The following PCDHGA7 variants were observed in gnomAD, a reference collection of about 807,000 sequenced individuals.
The protein encoded by PCDHGA7 is protocadherin gamma-A7.
PCDHGA7 carries 44 observed loss-of-function variants against 58.3 expected under a neutral mutation model. The ratio of observed to expected loss-of-function variants is 0.75; its 90% confidence interval spans 0.59 to 0.97. The LOEUF is 0.97. PCDHGA7 is among the 50% of genes least tolerant of loss of function. The pLI, the probability that PCDHGA7 is intolerant of heterozygous loss-of-function variation, is 0.00. For synonymous variants in PCDHGA7, 516 were observed against 504.2 expected (o/e 1.02, Z -0.31); for missense variants, 1,266 against 1,188.7 (o/e 1.06, Z -0.96).
intron 1 of PCDHGA7, chr5:141,478,106 G>T: frequency 6.2e-7 from 1 of 1,614,046 alleles, no homozygotes; most frequent in Non-Finnish European, 8.5e-7. Flanking sequence ...TACCCTCACT[G>T]TGTCAGTAAC....
intron 1 of PCDHGA7, among the ~76,000 whole-genome samples, chr5:141,450,375 A>G (rs1338336573): frequency 1.3e-5 from 2 of 152,166 alleles, no homozygotes; most frequent in Non-Finnish European, 2.9e-5. Context: ...GTTTGTTTAT[A>G]TGAAACTGAC....
intron 1 of PCDHGA7, chr5:141,409,616 G>T: frequency 6.2e-7 from 1 of 1,613,882 alleles, no homozygotes; most frequent in African/African-American, 1.3e-5. Context: ...AGCCTCCATT[G>T]CGCAAGTGAG....
At chr5:141,442,403 G>A (rs1042068651) in intron 1 of PCDHGA7, 2 of 152,168 alleles carry the variant, frequency 1.3e-5, no homozygotes, top group African/African-American at 4.8e-5. Context: ...TACGAATCCA[G>A]GGCTGAGTGA....
intron 1 of PCDHGA7, chr5:141,471,433 T>C (rs2099257619): frequency 6.6e-6 from 1 of 152,162 alleles, no homozygotes; most frequent in African/African-American, 2.4e-5. Flanking sequence ...GGAAAGTGTA[T>C]AATCTCATGT....
At chr5:141,418,393 C>A in intron 1 of PCDHGA7, 1 of 1,613,984 alleles carries the variant, frequency 6.2e-7, no homozygotes, top group Non-Finnish European at 8.5e-7. Context: ...ACGAGTATTT[C>A]TCATTGGTGG....
At position 141,512,350 on chromosome 5, in the gene PCDHGA7, G is replaced by C. The variant is rs1406428686; in HGVS notation, c.*1177G>C. ...CCATTCTTAGTCCCTGGGTTGGGGA[G>C]GCAGGGAGCTAGGGCAGGGACCAAA... is the stretch of plus-strand genomic sequence containing the variant. On this transcript the variant is annotated 3_prime_UTR_variant, in exon 4 of 4. Transcript: ENST00000518325. The C allele has an allele frequency of 6.5e-6, 1 of 152,906 alleles. No homozygotes were observed. The highest frequency in any genetic ancestry group is 1.9e-4 in the East Asian group (1 of 5,208). 9.5% of individuals were successfully genotyped at this position (152,906 alleles called of 1,614,324 possible).
intron 3 of PCDHGA7, among the ~76,000 whole-genome samples, chr5:141,509,089 G>C (rs1366018197): frequency 6.6e-6 from 1 of 152,158 alleles, no homozygotes; most frequent in Non-Finnish European, 1.5e-5. Context: ...ACATGAAATG[G>C]GGGCTGTAGA....
rs751318430 is a variant in PCDHGA7 at position 141,485,603 on chromosome 5, G to A, written c.2425-9204G>A. 1 of 1,612,482 alleles carries A rather than the reference G, an allele frequency of 6.2e-7. No homozygotes were observed. The stretch of plus-strand genomic sequence containing the variant: ...GCAGCAGCTGGACTTGGAAATTGGG[G>A]AGGCAGCTCCTCCAGGACAGCGTTT... On this transcript the variant is annotated intron_variant, in intron 1 of 3. Coordinates refer to ENST00000518325, the MANE Select transcript of PCDHGA7 (RefSeq NM_018920.4). This position sits in a 1 kb window ranked among gnomAD's most constrained non-coding sequence, Gnocchi z 5.7.
intron 1 of PCDHGA7, chr5:141,421,220 A>T (rs1178268746): frequency 6.3e-7 from 1 of 1,575,620 alleles, no homozygotes; most frequent in East Asian, 2.3e-5. Context: ...ATCGGCTTAG[A>T]GCCTGCCATG....
At chr5:141,433,273 A>T in intron 1 of PCDHGA7, 1 of 1,258,988 alleles carries the variant, frequency 7.9e-7, no homozygotes. Flanking sequence ...AGCTCACTGC[A>T]GCCTCAAACT....
intron 1 of PCDHGA7, chr5:141,393,092 G>A (rs2092676024): frequency 6.2e-7 from 1 of 1,613,644 alleles, no homozygotes; most frequent in Non-Finnish European, 8.5e-7. Flanking sequence ...TAGATCGGGA[G>A]GAGCTCTGCG....
chr5:141,444,695 CCT>C (rs2154560766), intron 1 of PCDHGA7, among the ~76,000 whole-genome samples: 1 of 152,134 alleles, frequency 6.6e-6, no homozygotes, highest in South Asian at 2.1e-4. Flanking sequence ...AAAATATTTT[CCT>C]CTTTCTGTTG....
At position 141,477,226 on chromosome 5, in the gene PCDHGA7, C is replaced by G. The variant is rs779570150; in HGVS notation, c.2425-17581C>G. 59 of 1,614,076 alleles carry G rather than the reference C, an allele frequency of 3.7e-5. No homozygotes were observed. The highest frequency in any genetic ancestry group is 1.3e-4 in the Admixed American group (8 of 60,004). On this transcript the variant is annotated intron_variant, in intron 1 of 3. Coordinates refer to ENST00000518325, the MANE Select transcript of PCDHGA7 (RefSeq NM_018920.4). This position sits in a 1 kb window ranked among gnomAD's most constrained non-coding sequence, Gnocchi z 4.9. ...CCGAGGATGCCCCTCTGGGGACTGT[C>G]ATCGCTTTGCTCAGTGTGACTGACC...
At chr5:141,449,888 A>G (rs544369390) in intron 1 of PCDHGA7, among the ~76,000 whole-genome samples, 1 of 151,990 alleles carries the variant, frequency 6.6e-6, no homozygotes, top group Non-Finnish European at 1.5e-5. Flanking sequence ...ATGCAATATA[A>G]TTATTTAGCC....
chr5:141,400,699 A>G (rs1040547233), intron 1 of PCDHGA7: 1 of 733,556 alleles, frequency 1.4e-6, no homozygotes, highest in Non-Finnish European at 2.2e-6. Flanking sequence ...TATGTCGCAT[A>G]AAAGAAGTAG....
rs62378448 is a variant in PCDHGA7, at chr5:141,400,064, G to C, written c.2424+14741G>C. On this transcript the variant is annotated intron_variant, in intron 1 of 3. Transcript: ENST00000518325. ...CTGCTGGTTGCTGTGCGTGATGGTG[G>C]ACAGCCGCCACTCTCCGCCACCGCC... The C allele has an allele frequency of 7.6e-4, 1,225 of 1,613,770 alleles. No homozygotes were observed. The highest frequency in any genetic ancestry group is 9.7e-4 in the Non-Finnish European group (1,150 of 1,179,858).
At chr5:141,420,883 C>A (rs992351503) in intron 1 of PCDHGA7, among the ~76,000 whole-genome samples, 1 of 152,216 alleles carries the variant, frequency 6.6e-6, no homozygotes, top group Non-Finnish European at 1.5e-5. Context: ...TATTGTGTAT[C>A]ATCGTTTTTA....
chr5:141,425,763 G>A (rs959881638), intron 1 of PCDHGA7, among the ~76,000 whole-genome samples: 3 of 152,164 alleles, frequency 2.0e-5, no homozygotes, highest in Non-Finnish European at 4.4e-5. Context: ...TCTACAACAG[G>A]AGAGAAGACT....
intron 1 of PCDHGA7, among the ~76,000 whole-genome samples, chr5:141,437,036 G>A (rs916860661): frequency 6.6e-6 from 1 of 152,294 alleles, no homozygotes; most frequent in Middle Eastern, 3.4e-3. Flanking sequence ...ATGGATCACC[G>A]AAACCAGAAG....
Sources: allele counts gnomAD v4.1 joint callset (sites outside exome capture counted in the v4.1 genomes callset), GRCh38; gene constraint gnomAD v4.1.1; non-coding constraint Gnocchi (gnomAD v3.1); transcripts MANE v1.5; gene names NCBI Gene and HGNC (gene_info 2026-07-23, HGNC 2026-07-21).